The following MTSS1 variants were observed in gnomAD, a reference collection of about 807,000 sequenced individuals.
MTSS1 encodes the protein protein MTSS 1.
Under a neutral mutation model 79.0 loss-of-function variants are expected in MTSS1, and 18 were observed. The ratio of observed to expected loss-of-function variants is 0.23; its 90% CI spans 0.16 to 0.34. The LOEUF (loss-of-function observed/expected upper bound fraction) is 0.34, where lower values mean the gene tolerates loss of function less well. Ranked by LOEUF, MTSS1 falls within the 10% of genes least tolerant of loss-of-function variation. MTSS1 has a pLI of 1.00. For missense variants in MTSS1, 815 were observed against 986.2 expected (o/e 0.83, Z 2.33); for synonymous variants, 341 against 368.6 (o/e 0.93, Z 0.86).
At position 124,568,554 on chromosome 8, in the gene MTSS1, C is replaced by T. The variant is rs766485085; in HGVS notation, c.461-18G>A. The T allele has an allele frequency of 6.2e-7, 1 of 1,614,124 alleles. No homozygotes were observed. The highest frequency in any genetic ancestry group is 8.5e-7 in the Non-Finnish European group (1 of 1,180,018). ...ACCTCTCCCTGCAAAAAACAGAGAC[C>T]CAAGCACGGCTTGCTGAAATACCAG... On this transcript the variant is annotated intron_variant, in intron 6 of 13. Coordinates refer to ENST00000518547, the MANE Select transcript of MTSS1 (RefSeq NM_014751.6).
intron 3 of MTSS1, among the ~76,000 whole-genome samples, chr8:124,622,983 C>T (rs1277143843): frequency 6.6e-6 from 1 of 152,116 alleles, no homozygotes; most frequent in African/African-American, 2.4e-5. Flanking sequence ...AGAGCACAGA[C>T]GAGCCCATCC....
At chr8:124,725,549 G>A (rs1211762405) in intron 1 of MTSS1, among the ~76,000 whole-genome samples, 1 of 152,036 alleles carries the variant, frequency 6.6e-6, no homozygotes, top group Non-Finnish European at 1.5e-5. Context: ...CGACATTTAC[G>A]CTTTTCCCTC....
At chr8:124,557,054 A>G in intron 11 of MTSS1, among the ~76,000 whole-genome samples, 1 of 152,222 alleles carries the variant, frequency 6.6e-6, no homozygotes, top group South Asian at 2.1e-4. Flanking sequence ...AAGAGAGCAG[A>G]TTATCCTCCT....
chr8:124,622,485 G>GAAA (rs74650146), intron 3 of MTSS1, among the ~76,000 whole-genome samples: 1 of 99,500 alleles, frequency 1.0e-5, no homozygotes, highest in African/African-American at 3.3e-5. Context: ...TTGCCATATT[G>GAAA]AAAAAAAAAA....
chr8:124,710,244 T>C (rs1414131122), intron 1 of MTSS1, among the ~76,000 whole-genome samples: 7 of 152,184 alleles, frequency 4.6e-5, no homozygotes, highest in Admixed American at 3.3e-4. Context: ...CGGGGTGGCC[T>C]TCATTCAGAC....
At chr8:124,634,276 G>GT (rs370401979) in intron 3 of MTSS1, among the ~76,000 whole-genome samples, 25,000 of 147,392 alleles carry the variant, frequency 0.17, 2,263 homozygotes, top group African/African-American at 0.24. Context: ...TACCTGGCTA[G>GT]TTTTTTTTTG....
chr8:124,557,819 C>G lies in MTSS1; in HGVS notation c.1092G>C (p.Thr364=). The G allele has an allele frequency of 6.3e-7, 1 of 1,597,066 alleles. No individual in the cohort carries two copies. The part of the protein sequence containing the change: ...SLSSESHVGP[T]GAGLFPHCLP... ...GGCAATGAGGGAAAAGGCCTGCACCCGTGGGCCCCACGTGGGACTCACTTG... is the reference window on the plus strand; with the variant it reads ...GGCAATGAGGGAAAAGGCCTGCACCGGTGGGCCCCACGTGGGACTCACTTG... The change falls in exon 11 of 14, where the codon ACG becomes ACC. Residue 364 remains threonine (T), a synonymous_variant. Coordinates refer to ENST00000518547, the MANE Select transcript of MTSS1 (RefSeq NM_014751.6).
chr8:124,582,341 G>A lies in MTSS1; in HGVS notation c.460+2746C>T, dbSNP rs998074107. Among the ~76,000 whole-genome samples the A allele has an allele frequency of 1.3e-5, 2 of 152,072 alleles. No homozygotes were observed. The highest frequency in any genetic ancestry group is 1.9e-4 in the East Asian group (1 of 5,188). ...CCTCTCTATATAGTAAGAAAGAGTC[G>A]AAGAATGTGATAAAAGGTGGTATCT... On this transcript the variant is annotated intron_variant, in intron 6 of 13. Transcript: ENST00000518547. This position sits in a 1 kb window ranked among gnomAD's most constrained non-coding sequence, Gnocchi z 4.8.
chr8:124,576,342 C>T (rs1490939240), intron 6 of MTSS1, among the ~76,000 whole-genome samples: 1 of 152,172 alleles, frequency 6.6e-6, no homozygotes, highest in East Asian at 1.9e-4. Flanking sequence ...GAGGACCCCA[C>T]TTGTGGCTGG....
chr8:124,719,544 C>T (rs150660970), intron 1 of MTSS1, among the ~76,000 whole-genome samples: 39 of 152,304 alleles, frequency 2.6e-4, no homozygotes, highest in Middle Eastern at 3.4e-3. Context: ...CACTTCAGGG[C>T]AATGACTGTC....
At chr8:124,625,521 G>A (rs1205235884) in intron 3 of MTSS1, among the ~76,000 whole-genome samples, 1 of 152,196 alleles carries the variant, frequency 6.6e-6, no homozygotes, top group African/African-American at 2.4e-5. Context: ...TTCGGACACA[G>A]ACGTTCAGTT....
chr8:124,555,488 C>CAT (rs1289027691), intron 13 of MTSS1, among the ~76,000 whole-genome samples: 1 of 152,158 alleles, frequency 6.6e-6, no homozygotes, highest in East Asian at 1.9e-4. Context: ...CCTCGTGATC[C>CAT]ACCTGCCTTG....
intron 3 of MTSS1, among the ~76,000 whole-genome samples, chr8:124,621,135 C>T (rs1240765078): frequency 6.6e-6 from 1 of 152,190 alleles, no homozygotes; most frequent in Non-Finnish European, 1.5e-5. Flanking sequence ...CCCAAACCCA[C>T]AAAGGAAAGA....
At chr8:124,627,071 C>G (rs1210712207) in intron 3 of MTSS1, among the ~76,000 whole-genome samples, 2 of 152,040 alleles carry the variant, frequency 1.3e-5, no homozygotes, top group Non-Finnish European at 2.9e-5. Context: ...GTGGCTCACA[C>G]CAAAGTTTGC....
At chr8:124,695,490 A>C (rs1441826763) in intron 3 of MTSS1, among the ~76,000 whole-genome samples, 1 of 152,252 alleles carries the variant, frequency 6.6e-6, no homozygotes, top group Non-Finnish European at 1.5e-5. Flanking sequence ...AAACAGCTTG[A>C]AGCACTTTTT....
chr8:124,629,279 C>T (rs1815368030), intron 3 of MTSS1, among the ~76,000 whole-genome samples: 1 of 151,990 alleles, frequency 6.6e-6, no homozygotes, highest in African/African-American at 2.4e-5. Flanking sequence ...CTTTGGGAGG[C>T]TGAGGCGGGC....
At chr8:124,657,023 C>A (rs1323646810) in intron 3 of MTSS1, among the ~76,000 whole-genome samples, 1 of 152,048 alleles carries the variant, frequency 6.6e-6, no homozygotes, top group Non-Finnish European at 1.5e-5. Flanking sequence ...ATTAAAGGAA[C>A]ATATGAACTA....
intron 3 of MTSS1, among the ~76,000 whole-genome samples, chr8:124,679,691 T>A (rs1479471469): frequency 1.3e-5 from 2 of 152,226 alleles, no homozygotes; most frequent in Non-Finnish European, 2.9e-5. Flanking sequence ...GAAACTCCTG[T>A]CACCTGACTC....
chr8:124,696,779 A>G (rs915413146), intron 3 of MTSS1, among the ~76,000 whole-genome samples: 23 of 151,204 alleles, frequency 1.5e-4, no homozygotes, highest in Non-Finnish European at 1.8e-4. Context: ...TGAACCCTAG[A>G]GGGGAAGGTT....
Sources: allele counts gnomAD v4.1 joint callset (sites outside exome capture counted in the v4.1 genomes callset), GRCh38; gene constraint gnomAD v4.1.1; non-coding constraint Gnocchi (gnomAD v3.1); transcripts MANE v1.5; gene names NCBI Gene and HGNC (gene_info 2026-07-23, HGNC 2026-07-21).